Variants in UNC79 observed in about 807,000 individuals in gnomAD.
UNC79 encodes unc-79 subunit of NALCN channel complex.
Under a neutral mutation model 283.1 loss-of-function variants are expected in UNC79, and 37 were observed. The ratio of observed to expected loss-of-function variants is 0.13; its 90% CI spans 0.10 to 0.17. The LOEUF (loss-of-function observed/expected upper bound fraction) is 0.17, where lower values mean the gene tolerates loss of function less well. UNC79 is among the 10% of genes least tolerant of loss of function. The pLI, the probability that UNC79 is intolerant of heterozygous loss-of-function variation, is 1.00. For synonymous variants in UNC79, 1,107 were observed against 1,200.2 expected, an observed-to-expected ratio of 0.92 and a Z score of 1.61; for missense variants, 2,272 against 3,211.1, an observed-to-expected ratio of 0.71 and a Z score of 7.07.
At chr14:93,575,275 G>A (rs1266558403) in intron 17 of UNC79, 77 bp downstream of exon 17, 2 of 1,590,998 alleles carry the variant, frequency 1.3e-6, no homozygotes, top group Non-Finnish European at 1.7e-6. Flanking sequence ...ACGCCTGAAA[G>A]TACTGTCATA....
chr14:93,443,338 T>C (rs1268563368), intron 1 of UNC79, among the ~76,000 whole-genome samples: 1 of 152,064 alleles, frequency 6.6e-6, no homozygotes, highest in Non-Finnish European at 1.5e-5. Context: ...AGGAAGACAT[T>C]GCTTTTCTTT....
intron 7 of UNC79, among the ~76,000 whole-genome samples, chr14:93,512,864 T>A (rs748265675): frequency 2.6e-5 from 4 of 152,142 alleles, no homozygotes; most frequent in Admixed American, 6.5e-5. Context: ...GGTCATTTGC[T>A]TCTTTTCACT....
At chr14:93,409,262 CAAT>C (rs1313638056) in intron 1 of UNC79, among the ~76,000 whole-genome samples, 3 of 151,852 alleles carry the variant, frequency 2.0e-5, no homozygotes, top group East Asian at 1.9e-4. Context: ...TTCTGTATCT[CAAT>C]AATAATTAAT....
At chr14:93,600,158 T>A (rs1047141413) in intron 24 of UNC79, among the ~76,000 whole-genome samples, 1 of 151,826 alleles carries the variant, frequency 6.6e-6, no homozygotes, top group African/African-American at 2.4e-5. Flanking sequence ...TGAGATCCCA[T>A]CACTGCACTC....
At chr14:93,562,014 A>G (rs2062589599) in intron 14 of UNC79, among the ~76,000 whole-genome samples, 1 of 152,208 alleles carries the variant, frequency 6.6e-6, no homozygotes, top group African/African-American at 2.4e-5. Context: ...GAAGGGATGT[A>G]TTAGGCTCAT....
chr14:93,669,655 G>A (rs572174142), intron 40 of UNC79, among the ~76,000 whole-genome samples: 9 of 152,092 alleles, frequency 5.9e-5, no homozygotes, highest in African/African-American at 1.9e-4. Context: ...CCTGAGCCTG[G>A]GTAACATGGC....
intron 41 of UNC79, among the ~76,000 whole-genome samples, chr14:93,676,488 G>A (rs1197170434): frequency 3.3e-5 from 5 of 152,212 alleles, no homozygotes; most frequent in Non-Finnish European, 7.3e-5. Context: ...GAGGTCACTT[G>A]CTTCTGAGAG....
chr14:93,465,362 T>G (rs2057131584), intron 1 of UNC79, among the ~76,000 whole-genome samples: 1 of 152,214 alleles, frequency 6.6e-6, no homozygotes, highest in Admixed American at 6.5e-5. Context: ...CCCTACTAAG[T>G]GCCAGACAGT....
At chr14:93,592,935 G>T (rs985553442) in intron 22 of UNC79, among the ~76,000 whole-genome samples, 1 of 152,064 alleles carries the variant, frequency 6.6e-6, no homozygotes, top group Non-Finnish European at 1.5e-5. Context: ...TTCTTAAATG[G>T]AACTAAGTGT....
Position 93,629,068 on chromosome 14 carries a change from G to A in UNC79, c.5609-1733G>A, listed in dbSNP as rs140935871. ...ACAAAAATTAGCTGGGCATGGTGGT[G>A]TGTGCCTGTAATCCCAGCTACTCAG... On this transcript the variant is annotated intron_variant, in intron 30 of 48. Coordinates refer to ENST00000555664, the Ensembl canonical transcript of UNC79. 6.1e-3 allele frequency among the ~76,000 whole-genome samples: 934 copies of A among 152,216 alleles called. 6 individuals are homozygous for A. The highest frequency in any genetic ancestry group is 0.041 in the Middle Eastern group (12 of 294).
At chr14:93,501,198 G>A (rs1374666820) in intron 7 of UNC79, among the ~76,000 whole-genome samples, 7 of 152,078 alleles carry the variant, frequency 4.6e-5, no homozygotes, top group Admixed American at 6.6e-5. Flanking sequence ...GGTGGTGCAC[G>A]CCTGTGATCC....
At chr14:93,335,900 T>C (rs552492532) in intron 1 of UNC79, among the ~76,000 whole-genome samples, 7 of 152,328 alleles carry the variant, frequency 4.6e-5, no homozygotes, top group African/African-American at 1.4e-4. Flanking sequence ...GTAAAAACAG[T>C]GAACTTCTGT....
At chr14:93,543,264 G>C (rs1170600025) in intron 14 of UNC79, among the ~76,000 whole-genome samples, 2 of 151,802 alleles carry the variant, frequency 1.3e-5, no homozygotes, top group East Asian at 1.9e-4. Flanking sequence ...ATGCCAAAAA[G>C]GTTCAGGGTC....
At chr14:93,567,114 C>G (rs569403017) in intron 14 of UNC79, among the ~76,000 whole-genome samples, 10 of 152,226 alleles carry the variant, frequency 6.6e-5, no homozygotes, top group Non-Finnish European at 1.2e-4. Flanking sequence ...TACACTGTGC[C>G]AATCACCGAG....
Position 93,516,450 on chromosome 14 carries a change from T to G in UNC79, c.899-7528T>G, listed in dbSNP as rs948690318. Among the ~76,000 whole-genome samples, 40 of 78,152 alleles carry G rather than the reference T, an allele frequency of 5.1e-4. 1 individual carries two copies. The highest frequency in any genetic ancestry group is 1.1e-3 in the East Asian group (3 of 2,772). 51.3% of individuals were successfully genotyped at this position (78,152 alleles called of 152,430 possible). On this transcript the variant is annotated intron_variant, in intron 7 of 48. Transcript: ENST00000555664. ...AAACAATCTGCTTGGATATTTTTTT[T>G]GGGGGGGGGGGTGGGGGATGGAGTC...
chr14:93,405,873 T>G (rs2055214934), intron 1 of UNC79, among the ~76,000 whole-genome samples: 1 of 152,192 alleles, frequency 6.6e-6, no homozygotes, highest in Non-Finnish European at 1.5e-5. Context: ...GAGAGTAATC[T>G]CTCCACTACT....
intron 1 of UNC79, among the ~76,000 whole-genome samples, chr14:93,346,929 G>A (rs964705184): frequency 2.0e-5 from 3 of 151,944 alleles, no homozygotes; most frequent in African/African-American, 7.3e-5. Context: ...GAAAAGGCGG[G>A]GCAGAGCAGG....
intron 22 of UNC79, among the ~76,000 whole-genome samples, chr14:93,593,118 C>A (rs1774306366): frequency 6.6e-6 from 1 of 152,186 alleles, no homozygotes; most frequent in Non-Finnish European, 1.5e-5. Context: ...ATGCTTGGGT[C>A]ATACGCCTTC....
At chr14:93,623,772 C>T (rs1241742592) in intron 30 of UNC79, among the ~76,000 whole-genome samples, 1 of 152,088 alleles carries the variant, frequency 6.6e-6, no homozygotes, top group Non-Finnish European at 1.5e-5. Flanking sequence ...GCACGCCTAT[C>T]ATCCCAGCTA....
Sources: allele counts gnomAD v4.1 joint callset (sites outside exome capture counted in the v4.1 genomes callset), GRCh38; gene constraint gnomAD v4.1.1; transcripts MANE v1.5; gene names NCBI Gene and HGNC (gene_info 2026-07-23, HGNC 2026-07-21).